FUT8: variants seen among roughly 807,000 people sequenced by gnomAD.
FUT8 encodes the protein fucosyltransferase 8.
FUT8 carries 29 observed loss-of-function variants against 71.3 expected under a neutral mutation model. The observed-to-expected ratio is 0.41, with a 90% CI of 0.30 to 0.55. FUT8 has a LOEUF of 0.55. Ranked by LOEUF, FUT8 falls within the 20% of genes least tolerant of loss-of-function variation. The pLI, the probability that FUT8 is intolerant of heterozygous loss-of-function variation, is 0.34. For synonymous variants in FUT8, 254 were observed against 239.3 expected (o/e 1.06, Z -0.57); for missense variants, 544 against 702.1 (o/e 0.77, Z 2.55).
intron 9 of FUT8, among the ~76,000 whole-genome samples, chr14:65,727,378 C>A (rs1173645533): frequency 1.3e-5 from 2 of 152,192 alleles, no homozygotes; most frequent in African/African-American, 4.8e-5. Flanking sequence ...GAAATCCAGG[C>A]AGAGGTTCCC....
chr14:65,439,954 G>GTATATATATATATATA (rs60534547), intron 1 of FUT8, among the ~76,000 whole-genome samples: 65 of 74,942 alleles, frequency 8.7e-4, no homozygotes, highest in Non-Finnish European at 8.9e-4. Context: ...GTGTGTGTGT[G>GTATATATATATATATA]TATATATATA....
the FUT8 span, among the ~76,000 whole-genome samples, chr14:65,385,250 C>T: frequency 1.2e-4 from 18 of 152,206 alleles, no homozygotes; most frequent in East Asian, 3.5e-3. Context: ...GGAATAAGCC[C>T]TCACTGATCC....
intron 3 of FUT8, among the ~76,000 whole-genome samples, chr14:65,575,234 C>T (rs1345105761): frequency 4.0e-5 from 6 of 151,724 alleles, no homozygotes; most frequent in East Asian, 1.9e-4. Context: ...TTCCTTTCCT[C>T]TCTCTCCCTC....
At chr14:65,532,444 A>G (rs1884016995) in intron 2 of FUT8, among the ~76,000 whole-genome samples, 1 of 152,046 alleles carries the variant, frequency 6.6e-6, no homozygotes, top group Admixed American at 6.6e-5. Flanking sequence ...CTTCTTTGGA[A>G]AAGTGATCAC....
intron 2 of FUT8, among the ~76,000 whole-genome samples, chr14:65,530,184 T>G (rs1333977125): frequency 5.3e-5 from 8 of 152,212 alleles, no homozygotes; most frequent in Admixed American, 4.6e-4. Flanking sequence ...TGACCTCTTG[T>G]GTTTTTTAAC....
At chr14:65,675,610 T>C (rs1481491526) in intron 7 of FUT8, among the ~76,000 whole-genome samples, 1 of 152,140 alleles carries the variant, frequency 6.6e-6, no homozygotes, top group African/African-American at 2.4e-5. Context: ...AGACTCCATA[T>C]GGGAGCAAAG....
intron 1 of FUT8, among the ~76,000 whole-genome samples, chr14:65,416,768 A>ATTTTTTTTTTTTT: frequency 7.7e-6 from 1 of 129,250 alleles, no homozygotes. Context: ...ATTTTCTTTA[A>ATTTTTTTTTTTTT]TTTTTTTTTT....
At chr14:65,666,495 C>A (rs1594877503) in intron 6 of FUT8, among the ~76,000 whole-genome samples, 1 of 152,076 alleles carries the variant, frequency 6.6e-6, no homozygotes. Context: ...GAAATTCATA[C>A]CCTGAACAGA....
At chr14:65,635,918 T>C (rs891822446) in intron 6 of FUT8, among the ~76,000 whole-genome samples, 1 of 152,178 alleles carries the variant, frequency 6.6e-6, no homozygotes, top group Non-Finnish European at 1.5e-5. Context: ...TGGTACCAAT[T>C]CTTCCTTTAA....
Position 65,742,222 on chromosome 14 carries a change from C to T in FUT8, c.1540C>T (p.Gln514Ter), listed in dbSNP as rs1455626943. 2 of 1,613,110 alleles carry T rather than the reference C, an allele frequency of 1.2e-6. No individual in the cohort carries two copies. Among genetic ancestry groups the T allele is most frequent in the Non-Finnish European group, 8.5e-7 (1 of 1,179,402 alleles). The stretch of plus-strand genomic sequence containing the variant: ...CAATCAAATTGCCATTTATGCTCAC[C>T]AACCCCGAACTGCAGATGAAATTCC... ...AHNQIAIYAHQPRTADEIPME... is the reference protein window; with the variant it reads ...AHNQIAIYAH The change falls in exon 11 of 11, where the codon CAA (glutamine) becomes TAA (stop). Residue 514 changes from glutamine (Q) to a stop codon, truncating the protein, a stop_gained. Transcript: ENST00000673929. LOFTEE classifies it high-confidence loss of function.
At chr14:65,718,576 AT>A (rs1039989184) in intron 7 of FUT8, among the ~76,000 whole-genome samples, 4 of 152,170 alleles carry the variant, frequency 2.6e-5, no homozygotes, top group African/African-American at 9.7e-5. Flanking sequence ...CCTTCAGATC[AT>A]TTTTTAATTG....
At chr14:65,731,784 C>T (rs548421099) in intron 9 of FUT8, among the ~76,000 whole-genome samples, 29 of 152,234 alleles carry the variant, frequency 1.9e-4, no homozygotes, top group African/African-American at 3.9e-4. Flanking sequence ...GATGAGCCAC[C>T]GCACCCAGCC....
intron 1 of FUT8, among the ~76,000 whole-genome samples, chr14:65,451,272 C>T (rs557275756): frequency 4.8e-4 from 73 of 152,390 alleles, no homozygotes; most frequent in African/African-American, 1.7e-3. Context: ...GGCTCAACCT[C>T]CACTCACTCA....
chr14:65,578,512 A>G (rs902434523), intron 3 of FUT8, among the ~76,000 whole-genome samples: 1 of 152,198 alleles, frequency 6.6e-6, no homozygotes, highest in South Asian at 2.1e-4. Context: ...AATGCAGCCC[A>G]ACACAAATTC....
chr14:65,534,866 A>AAGT (rs1884189989), intron 2 of FUT8, among the ~76,000 whole-genome samples: 5 of 151,432 alleles, frequency 3.3e-5, no homozygotes. Flanking sequence ...TTTTCAAAAA[A>AAGT]CAAACTCCTG....
intron 1 of FUT8, among the ~76,000 whole-genome samples, chr14:65,439,925 A>T (rs2065616239): frequency 8.0e-6 from 1 of 125,774 alleles, no homozygotes; most frequent in Non-Finnish European, 1.7e-5. Flanking sequence ...CAACACATGA[A>T]TGGATAAAGA....
rs558211098 is a variant in FUT8 at position 65,553,103 on chromosome 14, G to T, written c.-227-8234G>T. ...CCCAAGGAGCTGGGACTATAGGCGT[G>T]CACCACCAGTTTTAATTTATTTATA... On this transcript the variant is annotated intron_variant, in intron 2 of 10. Transcript: ENST00000673929. Among the ~76,000 whole-genome samples the T allele has an allele frequency of 1.4e-4, 21 of 152,274 alleles. No individual in the cohort carries two copies. In the South Asian group the frequency reaches 4.4e-3, roughly 32 times the overall value.
intron 1 of FUT8, among the ~76,000 whole-genome samples, chr14:65,420,276 T>C (rs556394429): frequency 6.6e-5 from 10 of 152,160 alleles, no homozygotes; most frequent in African/African-American, 2.4e-4. Flanking sequence ...ATCCTTTTTT[T>C]ATTTTTATTT....
At chr14:65,536,159 G>A (rs769067892) in intron 2 of FUT8, among the ~76,000 whole-genome samples, 3 of 152,092 alleles carry the variant, frequency 2.0e-5, no homozygotes, top group Non-Finnish European at 2.9e-5. Context: ...CACGTGAGAT[G>A]TGTCTCTTGA....
Sources: gnomAD v4.1 joint callset for allele counts (sites outside exome capture counted in the v4.1 genomes callset) on GRCh38, gnomAD v4.1.1 for gene constraint, MANE v1.5 for transcripts, NCBI Gene and HGNC (gene_info 2026-07-23, HGNC 2026-07-21) for gene names.